FNBP4: variants seen among roughly 807,000 people sequenced by gnomAD.
FNBP4 encodes the protein formin binding protein 4, also known as formin-binding protein 4.
Under a neutral mutation model 119.3 loss-of-function variants are expected in FNBP4, and 34 were observed. The ratio of observed to expected loss-of-function variants is 0.28; its 90% CI spans 0.22 to 0.38. FNBP4 has a LOEUF of 0.38. Ranked by LOEUF, FNBP4 falls within the 10% of genes least tolerant of loss-of-function variation. FNBP4 has a pLI of 1.00. For synonymous variants in FNBP4, 462 were observed against 430.6 expected (o/e 1.07, Z -0.90); for missense variants, 1,112 against 1,228.9 (o/e 0.90, Z 1.42).
chr11:47,747,467 G>A (rs1260168468), intron 6 of FNBP4, among the ~76,000 whole-genome samples: 2 of 151,672 alleles, frequency 1.3e-5, no homozygotes, highest in Admixed American at 1.3e-4. Flanking sequence ...CTTGGCAACA[G>A]GCCCAATTTT....
chr11:47,754,422 G>C (rs928069919), intron 3 of FNBP4, 106 bp downstream of exon 3: 7 of 1,047,364 alleles, frequency 6.7e-6, no homozygotes, highest in African/African-American at 1.6e-5. Flanking sequence ...GAGGGAGAGG[G>C]AGAAAGGAGG....
chr11:47,721,263 A>C (rs1033049352), intron 15 of FNBP4, among the ~76,000 whole-genome samples: 3 of 151,398 alleles, frequency 2.0e-5, no homozygotes, highest in African/African-American at 7.3e-5. Flanking sequence ...AAAATAAATA[A>C]ATAAATAAAT....
At chr11:47,750,158 C>T (rs551015520) in intron 6 of FNBP4, among the ~76,000 whole-genome samples, 116 of 151,908 alleles carry the variant, frequency 7.6e-4, no homozygotes, top group Non-Finnish European at 1.5e-3. Context: ...GCAGGTAGAT[C>T]ACCTGAGGTC....
intron 16 of FNBP4, among the ~76,000 whole-genome samples, chr11:47,717,990 G>A (rs2135054861): frequency 6.6e-6 from 1 of 151,612 alleles, no homozygotes; most frequent in South Asian, 2.1e-4. Flanking sequence ...CCCAACCTCA[G>A]GTGATCTGAC....
At chr11:47,765,665 T>A (rs553939355) in intron 1 of FNBP4, among the ~76,000 whole-genome samples, 18 of 87,654 alleles carry the variant, frequency 2.1e-4, no homozygotes, top group African/African-American at 7.4e-4. Flanking sequence ...AATAAAAAAA[T>A]TGCTAGGCAT....
chr11:47,728,033 C>T (rs775684902), intron 12 of FNBP4, among the ~76,000 whole-genome samples: 12 of 151,522 alleles, frequency 7.9e-5, no homozygotes, highest in Middle Eastern at 3.5e-3. Flanking sequence ...CATGCGACCA[C>T]GCCTGGCTAA....
At chr11:47,717,919 A>ATT (rs1235142676) in intron 16 of FNBP4, among the ~76,000 whole-genome samples, 2 of 141,670 alleles carry the variant, frequency 1.4e-5, no homozygotes, top group Non-Finnish European at 3.1e-5. Flanking sequence ...TGCCTGGCTA[A>ATT]TTTTTTTTTT....
chr11:47,722,412 T>G (rs1361964686), intron 15 of FNBP4, among the ~76,000 whole-genome samples: 2 of 151,784 alleles, frequency 1.3e-5, no homozygotes, highest in Non-Finnish European at 2.9e-5. Flanking sequence ...GAAGCAGTTG[T>G]ATGTTTGAAG....
At chr11:47,766,843 C>G (rs1391783402) in intron 1 of FNBP4, among the ~76,000 whole-genome samples, 10 of 152,194 alleles carry the variant, frequency 6.6e-5, no homozygotes, top group Non-Finnish European at 1.5e-4. Context: ...CCGGGGCAAG[C>G]CCTGCACCAC....
At chr11:47,766,525 T>TTAA (rs1234080036) in intron 1 of FNBP4, among the ~76,000 whole-genome samples, 1 of 152,214 alleles carries the variant, frequency 6.6e-6, no homozygotes, top group Non-Finnish European at 1.5e-5. Flanking sequence ...GGAGTCACTT[T>TTAA]TAATCTAAGC....
chr11:47,721,674 C>T (rs906148009), intron 15 of FNBP4, among the ~76,000 whole-genome samples: 6 of 151,818 alleles, frequency 4.0e-5, no homozygotes, highest in South Asian at 4.2e-4. Flanking sequence ...TTTTTCTTTT[C>T]GCTTACCTTC....
rs1204113725 is a variant in FNBP4 at position 47,731,404 on chromosome 11, T to C, written c.1978A>G (p.Asn660Asp). ...TLKDKTGTDSNSTESSETSTG... is the reference protein window; with the variant it reads ...TLKDKTGTDSDSTESSETSTG... Reference sequence around the variant, plus strand: ...GAAGTTTCAGAGGATTCTGTTGAATTTGAATCAGTGCCAGTTTTGTCTTTC... The same window carrying C: ...GAAGTTTCAGAGGATTCTGTTGAATCTGAATCAGTGCCAGTTTTGTCTTTC... The change falls in exon 12 of 17, where the codon AAT becomes GAT. Residue 660 changes from asparagine to aspartate, a missense_variant. Asn to Asp is a conservative substitution (Grantham distance 23). Transcript: ENST00000263773. 5 of 1,613,590 alleles carry C rather than the reference T, an allele frequency of 3.1e-6. No individual in the cohort carries two copies. The highest frequency in any genetic ancestry group is 1.7e-6 in the Non-Finnish European group (2 of 1,179,854).
At chr11:47,746,419 CTCATT>C (rs1565149274) in intron 6 of FNBP4, 25 bp from the exon 7 acceptor site, 1 of 1,542,916 alleles carries the variant, frequency 6.5e-7, no homozygotes, top group East Asian at 2.2e-5. Flanking sequence ...ATAATTTAGT[CTCATT>C]TAATTCTGAA....
At chr11:47,747,843 G>A (rs1240551643) in intron 6 of FNBP4, among the ~76,000 whole-genome samples, 1 of 152,146 alleles carries the variant, frequency 6.6e-6, no homozygotes, top group Non-Finnish European at 1.5e-5. Flanking sequence ...AGCTATTCGG[G>A]AGGCTGAGGC....
chr11:47,720,245 C>T (rs1372839479), intron 15 of FNBP4, among the ~76,000 whole-genome samples, 159 bp from the exon 16 acceptor site: 3 of 152,130 alleles, frequency 2.0e-5, no homozygotes, highest in Non-Finnish European at 4.4e-5. Flanking sequence ...AAATTTCTTA[C>T]CAATTATAAA....
Position 47,750,973 on chromosome 11 carries a change from C to T in FNBP4, c.849G>A (p.Thr283=), listed in dbSNP as rs777215176. The change falls in exon 6 of 17, where the codon ACG becomes ACA. Residue 283 remains threonine, a synonymous_variant. Transcript: ENST00000263773. ...VNTDIYSKEK[T]ISVSSSKSGP... is the part of the protein sequence containing the mutation. Reference sequence around the variant, plus strand: ...CACTTTTACTACTGGAAACAGAAATCGTTTTCTCCTTAGAATATATGTCTG... The same window carrying T: ...CACTTTTACTACTGGAAACAGAAATTGTTTTCTCCTTAGAATATATGTCTG... 5.0e-6 allele frequency: 8 copies of T among 1,613,842 alleles called. No individual in the cohort carries two copies. Among genetic ancestry groups the T allele is most frequent in the Middle Eastern group, 1.6e-4 (1 of 6,084 alleles).
At position 47,767,186 on chromosome 11, in the gene FNBP4, G is replaced by A; in HGVS notation, c.103C>T (p.Pro35Ser). The A allele has an allele frequency of 6.4e-7, 1 of 1,561,034 alleles. No homozygotes were observed. ...STPGRDPEPE[P>S]DTEPDSTAAV... The stretch of plus-strand genomic sequence containing the variant: ...GCGGTTGAGTCCGGCTCAGTGTCGG[G>A]TTCCGGCTCCGGGTCCCGGCCCGGC... Residue 35 changes from proline to serine, a missense_variant, in exon 1 of 17, where the codon CCC becomes TCC. Around this residue, in one of 2 missense-constraint regions of FNBP4, gnomAD observed 286 missense variants for 240.1 expected, o/e 1.19. Coordinates refer to ENST00000263773, the MANE Select transcript of FNBP4 (RefSeq NM_015308.5).
chr11:47,726,320 C>CA (rs1376071523), intron 12 of FNBP4: 1 of 151,912 alleles, frequency 6.6e-6, no homozygotes, highest in Non-Finnish European at 1.5e-5. Flanking sequence ...ATTCTAACCT[C>CA]AAACACTTGG....
chr11:47,757,251 C>T (rs1006354373), intron 2 of FNBP4, among the ~76,000 whole-genome samples: 17 of 152,136 alleles, frequency 1.1e-4, no homozygotes, highest in African/African-American at 1.7e-4. Flanking sequence ...GATGGAGTCT[C>T]GCTCTGTCCC....
Sources: allele counts gnomAD v4.1 joint callset (sites outside exome capture counted in the v4.1 genomes callset), GRCh38; gene constraint gnomAD v4.1.1; regional missense constraint gnomAD v4.1.1; transcripts MANE v1.5; gene names NCBI Gene and HGNC (gene_info 2026-07-23, HGNC 2026-07-21).